ARID1B: variants seen among roughly 807,000 people sequenced by gnomAD.
The protein encoded by ARID1B is AT-rich interaction domain 1B.
In ARID1B, 30 loss-of-function variants were observed where a neutral mutation model predicts 212.3. The observed-to-expected ratio is 0.14, with a 90% CI of 0.11 to 0.19. The LOEUF (loss-of-function observed/expected upper bound fraction) is 0.19, where lower values mean the gene tolerates loss of function less well. ARID1B is among the 10% of genes least tolerant of loss of function. The pLI is 1.00. For missense variants in ARID1B, 2,891 were observed against 3,204.0 expected, an observed-to-expected ratio of 0.90 and a Z score of 2.36; for synonymous variants, 1,402 against 1,301.7, an observed-to-expected ratio of 1.08 and a Z score of -1.66.
chr6:157,201,813 A>G lies in ARID1B; in HGVS notation c.5263+325A>G, dbSNP rs560737749. On this transcript the variant is annotated intron_variant, in intron 18 of 19. Coordinates refer to ENST00000636930, the MANE Select transcript of ARID1B (RefSeq NM_001374828.1). This position sits in a 1 kb window ranked among gnomAD's most constrained non-coding sequence, Gnocchi z 5.2. ...AATAAAATGGTAGTTTTACGTGTGAATGTTATTTGTGTGAAAGATTAGAGC... is the reference window on the plus strand; with the variant it reads ...AATAAAATGGTAGTTTTACGTGTGAGTGTTATTTGTGTGAAAGATTAGAGC... Among the ~76,000 whole-genome samples, 6 of 152,198 alleles carry G rather than the reference A, an allele frequency of 3.9e-5. No homozygotes were observed. Among genetic ancestry groups the G allele is most frequent in the Admixed American group, 1.3e-4 (2 of 15,288 alleles).
At chr6:156,949,749 T>C (rs184802509) in intron 4 of ARID1B, among the ~76,000 whole-genome samples, 2 of 152,330 alleles carry the variant, frequency 1.3e-5, no homozygotes, top group African/African-American at 4.8e-5. Flanking sequence ...ATTTTTTATA[T>C]TTTATCAGTT....
intron 4 of ARID1B, among the ~76,000 whole-genome samples, chr6:156,997,190 C>T (rs867619598): frequency 6.6e-6 from 1 of 152,144 alleles, no homozygotes; most frequent in Non-Finnish European, 1.5e-5. Flanking sequence ...ATGCATGTTA[C>T]ATTAGTTATT....
intron 6 of ARID1B, among the ~76,000 whole-genome samples, chr6:157,123,168 A>G (rs1787865238): frequency 6.7e-6 from 1 of 150,118 alleles, no homozygotes; most frequent in Non-Finnish European, 1.5e-5. Context: ...CTCGATGGGG[A>G]TTTTGAGATC....
chr6:156,778,021 C>T lies in ARID1B; in HGVS notation c.341C>T (p.Ala114Val), dbSNP rs1390052922. 2.0e-6 allele frequency: 3 copies of T among 1,533,756 alleles called. No individual in the cohort carries two copies. The Admixed American group carries it at 5.9e-5, about 30-fold the overall frequency. Residue 114 changes from alanine to valine, a missense_variant, in exon 1 of 20, where the codon GCC (alanine) becomes GTC (valine). Ala to Val is a moderately conservative substitution (Grantham distance 64). Transcript: ENST00000636930. ...SEAALKEGGS[A>V]AALSSSSSSS... is the part of the protein sequence containing the mutation. ...GCGGCTCTCAAGGAGGGTGGAAGCG[C>T]CGCCGCGCTGTCCTCCTCCTCCTCC...
intron 2 of ARID1B, chr6:156,870,228 A>G (rs959909910): frequency 1.3e-5 from 2 of 152,304 alleles, no homozygotes; most frequent in South Asian, 2.1e-4. Flanking sequence ...CAACCAGAGA[A>G]GCTGGAGAGC....
chr6:156,778,123 C>A lies in ARID1B; in HGVS notation c.443C>A (p.Pro148His). Reference protein sequence around the residue: ...PGSAMETGLLPNHKLKTVGEA... With the variant: ...PGSAMETGLLHNHKLKTVGEA... Reference sequence around the variant, plus strand: ...TCGGCCATGGAGACGGGGCTGCTCCCCAACCACAAACTGAAAACCGTTGGC... The same window carrying A: ...TCGGCCATGGAGACGGGGCTGCTCCACAACCACAAACTGAAAACCGTTGGC... The change falls in exon 1 of 20, where the codon CCC becomes CAC. Residue 148 changes from proline (P) to histidine (H), a missense_variant. Transcript: ENST00000636930. 1 of 1,541,616 alleles carries A rather than the reference C, an allele frequency of 6.5e-7. No homozygotes were observed. Among genetic ancestry groups the A allele is most frequent in the Non-Finnish European group, 8.7e-7 (1 of 1,146,316 alleles).
chr6:157,078,053 T>TA (rs1350589691), intron 4 of ARID1B, among the ~76,000 whole-genome samples: 2 of 152,230 alleles, frequency 1.3e-5, no homozygotes, highest in African/African-American at 4.8e-5. Context: ...TTTCGTGTTT[T>TA]AGCACTGACA....
chr6:156,900,758 T>G (rs1398355331), intron 2 of ARID1B, among the ~76,000 whole-genome samples: 1 of 152,224 alleles, frequency 6.6e-6, no homozygotes, highest in Non-Finnish European at 1.5e-5. Flanking sequence ...ATTGAGGCCA[T>G]TTTTGTCTAT....
At chr6:157,099,746 C>G (rs1368817485) in intron 5 of ARID1B, among the ~76,000 whole-genome samples, 1 of 152,174 alleles carries the variant, frequency 6.6e-6, no homozygotes, top group African/African-American at 2.4e-5. Flanking sequence ...TTGGAACACT[C>G]AGACCACAGT....
rs117917015 is a variant in ARID1B at position 156,882,632 on chromosome 6, T to A, written c.1987-18744T>A. ...ATATAGCACGGTTCCCATCACACAC[T>A]GGCCACATACTCTTAGACATTTTTC... On this transcript the variant is annotated intron_variant, in intron 2 of 19. Transcript: ENST00000636930. 3.0e-4 allele frequency among the ~76,000 whole-genome samples: 45 copies of A among 152,344 alleles called. No homozygotes were observed. The East Asian group carries it at 8.3e-3, about 28-fold the overall frequency.
Position 157,207,714 on chromosome 6 carries a change from C to T in ARID1B, c.6942C>T (p.Ser2314=), listed in dbSNP as rs773447338. Residue 2314 remains serine, a synonymous_variant, in exon 20 of 20, where the codon AGC becomes AGT. Coordinates refer to ENST00000636930, the MANE Select transcript of ARID1B (RefSeq NM_001374828.1). The surrounding 1 kb of genome is among the most constrained non-coding windows in gnomAD (Gnocchi z 8.5). ...AGCCCCCGCCCCTGGAACCACCTAG[C>T]GTAGACATGATGTGCAGGGCGGCCA... ...HMQPPPLEPP[S]VDMMCRAAKA... 8.7e-6 allele frequency: 14 copies of T among 1,600,414 alleles called. No homozygotes were observed. The highest frequency in any genetic ancestry group is 1.7e-4 in the Middle Eastern group (1 of 6,022).
intron 2 of ARID1B, among the ~76,000 whole-genome samples, chr6:156,874,797 T>C (rs1481166706): frequency 6.6e-6 from 1 of 152,208 alleles, no homozygotes; most frequent in East Asian, 1.9e-4. Flanking sequence ...CATTCCATTC[T>C]CCTTCGTGGA....
At chr6:157,111,049 C>G (rs998218665) in intron 6 of ARID1B, 4 of 156,828 alleles carry the variant, frequency 2.6e-5, no homozygotes, top group African/African-American at 9.6e-5. Flanking sequence ...CTAAAAGTTT[C>G]TATGGCCCAG....
At chr6:156,892,478 A>G (rs1788020247) in intron 2 of ARID1B, among the ~76,000 whole-genome samples, 1 of 152,232 alleles carries the variant, frequency 6.6e-6, no homozygotes, top group Admixed American at 6.5e-5. Context: ...ATAGAATGAT[A>G]AAAATGGAGA....
Position 156,929,162 on chromosome 6 carries a change from C to T in ARID1B, c.2137-6304C>T, listed in dbSNP as rs556440147. Among the ~76,000 whole-genome samples, 9 of 152,254 alleles carry T rather than the reference C, an allele frequency of 5.9e-5. No individual in the cohort carries two copies. In the East Asian group the frequency reaches 1.5e-3, roughly 26 times the overall value. On this transcript the variant is annotated intron_variant, in intron 3 of 19. Transcript: ENST00000636930. ...TTGTGGTGGTGTCGTTAGGATGAAC[C>T]GTGCACACTACCTCTGTGCACAGTA...
chr6:157,123,734 A>G (rs921471316), intron 6 of ARID1B, among the ~76,000 whole-genome samples: 4 of 152,280 alleles, frequency 2.6e-5, no homozygotes, highest in African/African-American at 7.2e-5. Flanking sequence ...ATTAAAAATA[A>G]TATGAATAAT....
At chr6:157,153,876 G>A (rs1790374960) in intron 8 of ARID1B, among the ~76,000 whole-genome samples, 1 of 152,194 alleles carries the variant, frequency 6.6e-6, no homozygotes, top group Non-Finnish European at 1.5e-5. Context: ...CTAGCCTCAA[G>A]CAATCCTCTC....
intron 4 of ARID1B, among the ~76,000 whole-genome samples, chr6:156,946,747 T>C (rs777748160): frequency 6.6e-6 from 1 of 152,126 alleles, no homozygotes; most frequent in Non-Finnish European, 1.5e-5. Context: ...TTTTAATCTG[T>C]GTGACCAGGA....
Position 157,136,104 on chromosome 6 carries a change from A to T in ARID1B, c.2761+2897A>T, listed in dbSNP as rs538576779. Among the ~76,000 whole-genome samples, 3 of 152,222 alleles carry T rather than the reference A, an allele frequency of 2.0e-5. No homozygotes were observed. The South Asian group carries it at 6.2e-4, about 32-fold the overall frequency. On this transcript the variant is annotated intron_variant, in intron 7 of 19. Transcript: ENST00000636930. ...GGGTCCTATTTTCTAAGTGTTTTTT[A>T]TATATTAACTCATTTAATCGTCACA...
Sources: allele counts gnomAD v4.1 joint callset (sites outside exome capture counted in the v4.1 genomes callset), GRCh38; gene constraint gnomAD v4.1.1; non-coding constraint Gnocchi (gnomAD v3.1); transcripts MANE v1.5; gene names NCBI Gene and HGNC (gene_info 2026-07-23, HGNC 2026-07-21).